SLC44A2: variants seen among roughly 807,000 people sequenced by gnomAD.
SLC44A2 encodes the protein solute carrier family 44 member 2 (CTL2 blood group).
SLC44A2 carries 57 observed loss-of-function variants against 90.8 expected under a neutral mutation model. The ratio of observed to expected loss-of-function variants is 0.63; its 90% CI spans 0.51 to 0.78. The LOEUF (loss-of-function observed/expected upper bound fraction) is 0.78. Ranked by LOEUF, SLC44A2 falls within the 30% of genes least tolerant of loss-of-function variation. The pLI, the probability that SLC44A2 is intolerant of heterozygous loss-of-function variation, is 0.00. For synonymous variants in SLC44A2, 355 were observed against 360.7 expected, an observed-to-expected ratio of 0.98 and a Z score of 0.18; for missense variants, 794 against 919.7, an observed-to-expected ratio of 0.86 and a Z score of 1.77.
chr19:10,631,542 C>G lies in SLC44A2; in HGVS notation c.502+7C>G. On this transcript the variant is annotated splice_region_variant and intron_variant, in intron 7 of 21. Coordinates refer to ENST00000335757, the MANE Select transcript of SLC44A2 (RefSeq NM_020428.4). ...CTCATCCCCAGCAAACCCTGTGAGT[C>G]AGGGGATCCCAGGAGGCTCAGGTGG... is the stretch of plus-strand genomic sequence containing the variant. The G allele has an allele frequency of 6.2e-7, 1 of 1,613,986 alleles. No homozygotes were observed. Among genetic ancestry groups the G allele is most frequent in the East Asian group, 2.2e-5 (1 of 44,882 alleles).
At position 10,636,706 on chromosome 19, in the gene SLC44A2, T is replaced by C; in HGVS notation, c.1541T>C (p.Ile514Thr). The change falls in exon 16 of 22, where the codon ATT (isoleucine) becomes ACT (threonine). Residue 514 changes from isoleucine to threonine, a missense_variant. Transcript: ENST00000335757. ...GCCTTTGGCGCGCTCATCCTGGCCA[T>C]TGTGCAGATCATCCGTGTGATACTC... ...SLAFGALILA[I>T]VQIIRVILEY... 6.2e-7 allele frequency: 1 copy of C among 1,613,868 alleles called. No individual in the cohort carries two copies. The highest frequency in any genetic ancestry group is 8.5e-7 in the Non-Finnish European group (1 of 1,179,960).
At position 10,635,092 on chromosome 19, in the gene SLC44A2, A is replaced by T. The variant is rs1318346038; in HGVS notation, c.1055+19A>T. 1.9e-6 allele frequency: 3 copies of T among 1,613,882 alleles called. No homozygotes were observed. The Admixed American group carries it at 5.0e-5, about 27-fold the overall frequency. On this transcript the variant is annotated intron_variant, in intron 12 of 21. Coordinates refer to ENST00000335757, the MANE Select transcript of SLC44A2 (RefSeq NM_020428.4). ...CCAGCAGGTGGGGGGCCAGGGTGCCAGGGGCCAGGATGGAGCTGTCCCTAG... is the reference window on the plus strand; with the variant it reads ...CCAGCAGGTGGGGGGCCAGGGTGCCTGGGGCCAGGATGGAGCTGTCCCTAG...
chr19:10,612,829 A>G (rs1470956682), intron 1 of SLC44A2, among the ~76,000 whole-genome samples: 2 of 152,118 alleles, frequency 1.3e-5, no homozygotes, highest in Admixed American at 6.6e-5. Flanking sequence ...CAACAGCTCA[A>G]TTTTCCCAAT....
intron 1 of SLC44A2, among the ~76,000 whole-genome samples, chr19:10,619,451 T>G (rs1055926424): frequency 1.3e-4 from 20 of 150,530 alleles, no homozygotes; most frequent in Non-Finnish European, 2.1e-4. Flanking sequence ...AAAAGTGTTT[T>G]TTTTTTTTTT....
rs190869043 is a variant in SLC44A2, at chr19:10,620,462, C to A, written c.32-5791C>A. Among the ~76,000 whole-genome samples the A allele has an allele frequency of 4.2e-3, 634 of 151,318 alleles. 5 individuals are homozygous for A. The highest frequency in any genetic ancestry group is 0.015 in the African/African-American group (620 of 40,734). Reference sequence around the variant, plus strand: ...AGAGCAAGACTCCATCTCCAAAAAACAAACAAACAAACAAAAAACGCAAAT... The same window carrying A: ...AGAGCAAGACTCCATCTCCAAAAAAAAAACAAACAAACAAAAAACGCAAAT... On this transcript the variant is annotated intron_variant, in intron 1 of 21. Coordinates refer to the SLC44A2 transcript ENST00000407327.
chr19:10,615,151 C>T (rs1360279813), intron 1 of SLC44A2, among the ~76,000 whole-genome samples: 1 of 151,356 alleles, frequency 6.6e-6, no homozygotes, highest in Non-Finnish European at 1.5e-5. Context: ...TTTTCAGAGG[C>T]TGGGCGTGGT....
In SLC44A2 at chr19:10,642,465, C is replaced by CA. The variant is rs1472398853; in HGVS notation, c.2014+15dup. ...TCCTCTGCTTCTGTGAGTGACCCCT[C>CA]ACCCCAAACCTTGCTGGGCCCCGAA... On this transcript the variant is annotated intron_variant, in intron 21 of 21. Coordinates refer to ENST00000335757, the MANE Select transcript of SLC44A2 (RefSeq NM_020428.4). The CA allele has an allele frequency of 6.2e-7, 1 of 1,612,542 alleles. No homozygotes were observed. The highest frequency in any genetic ancestry group is 8.5e-7 in the Non-Finnish European group (1 of 1,178,592).
rs778730687 is a variant in SLC44A2 at position 10,636,721 on chromosome 19, G to T, written c.1556G>T (p.Arg519Leu). The T allele has an allele frequency of 1.9e-6, 3 of 1,613,904 alleles. No homozygotes were observed. The highest frequency in any genetic ancestry group is 4.5e-5 in the East Asian group (2 of 44,890). The change falls in exon 16 of 22, where the codon CGT (arginine) becomes CTT (leucine). Residue 519 changes from arginine (R) to leucine (L), a missense_variant. Physicochemically the swap from Arg to Leu is moderately radical, Grantham distance 102 (BLOSUM62 -2). Coordinates refer to ENST00000335757, the MANE Select transcript of SLC44A2 (RefSeq NM_020428.4). ...ALILAIVQII[R>L]VILEYLDQRL... ...ATCCTGGCCATTGTGCAGATCATCCGTGTGATACTCGAGTACCTGGATCAG... is the reference window on the plus strand; with the variant it reads ...ATCCTGGCCATTGTGCAGATCATCCTTGTGATACTCGAGTACCTGGATCAG...
At chr19:10,624,148 C>T (rs1239142417), upstream of SLC44A2, among the ~76,000 whole-genome samples, 1 of 151,878 alleles carries the variant, frequency 6.6e-6, no homozygotes, top group Non-Finnish European at 1.5e-5. Context: ...CAGGTGCACA[C>T]CACAACATCC....
intron 1 of SLC44A2, among the ~76,000 whole-genome samples, chr19:10,612,720 G>A (rs1315896784): frequency 6.6e-6 from 1 of 152,224 alleles, no homozygotes; most frequent in African/African-American, 2.4e-5. Flanking sequence ...GGCTGTGGCA[G>A]TTCTCTTATC....
intron 16 of SLC44A2, 127 bp downstream of exon 16, chr19:10,636,883 G>A (rs1202839645): frequency 6.0e-6 from 6 of 996,324 alleles, no homozygotes; most frequent in Admixed American, 2.5e-5. Flanking sequence ...TTCTGTCTAT[G>A]ACGGGGTGGA....
Position 10,641,535 on chromosome 19 carries a change from A to G in SLC44A2, c.1930-832A>G, listed in dbSNP as rs371592514. ...TAGATTTAAGTCAGGACAATAGCAC[A>G]TGCAGAGGCCCAGGGGTTAAAGAAA... On this transcript the variant is annotated intron_variant, in intron 20 of 21. Coordinates refer to ENST00000335757, the MANE Select transcript of SLC44A2 (RefSeq NM_020428.4). 7.3e-5 allele frequency: 28 copies of G among 385,256 alleles called. No individual in the cohort carries two copies. The East Asian group carries it at 1.5e-3, about 20-fold the overall frequency. 23.9% of individuals were successfully genotyped at this position (385,256 alleles called of 1,614,324 possible). A position where few individuals can be genotyped will look rare whatever the true frequency, so the allele number is the denominator to read the frequency against.
At chr19:10,635,368 C>A (rs1046892809) in intron 13 of SLC44A2, 63 bp from the exon 14 acceptor site, 24 of 1,605,760 alleles carry the variant, frequency 1.5e-5, no homozygotes, top group Non-Finnish European at 1.9e-5. Context: ...AGAATGGATT[C>A]TTTCCCACAA....
At chr19:10,626,189 C>T (rs1399517411) in intron 1 of SLC44A2, 64 bp from the exon 2 acceptor site, 5 of 1,339,704 alleles carry the variant, frequency 3.7e-6, no homozygotes, top group Admixed American at 3.4e-5. Flanking sequence ...TGGGAGGGGG[C>T]TCTCCCAGCC....
At chr19:10,641,024 T>G in intron 20 of SLC44A2, 1 of 392,018 alleles carries the variant, frequency 2.6e-6, no homozygotes, top group African/African-American at 2.2e-5. Flanking sequence ...GAGGTGGAGG[T>G]TGCACTGAGC....
At chr19:10,618,785 G>A (rs375778643) in intron 1 of SLC44A2, among the ~76,000 whole-genome samples, 1 of 151,754 alleles carries the variant, frequency 6.6e-6, no homozygotes, top group South Asian at 2.1e-4. Context: ...TGTTGCCCAG[G>A]CTGGTCTCAA....
chr19:10,632,991 A>G (rs1401999514), intron 10 of SLC44A2, among the ~76,000 whole-genome samples: 1 of 151,918 alleles, frequency 6.6e-6, no homozygotes, highest in African/African-American at 2.4e-5. Flanking sequence ...TTATTTCTCT[A>G]TAAAATGAGG....
chr19:10,604,243 G>C (rs1210225815), intron 1 of SLC44A2, among the ~76,000 whole-genome samples: 1 of 152,190 alleles, frequency 6.6e-6, no homozygotes, highest in Non-Finnish European at 1.5e-5. Flanking sequence ...AGAAACAGCA[G>C]CGATTATTTT....
chr19:10,627,102 C>G (rs1286561910), intron 2 of SLC44A2, among the ~76,000 whole-genome samples: 1 of 152,132 alleles, frequency 6.6e-6, no homozygotes, highest in Admixed American at 6.6e-5. Flanking sequence ...AGGTGGATCA[C>G]TTGAGGTTAG....
Sources: gnomAD v4.1 joint callset for allele counts (sites outside exome capture counted in the v4.1 genomes callset) on GRCh38, gnomAD v4.1.1 for gene constraint, MANE v1.5 for transcripts, NCBI Gene and HGNC (gene_info 2026-07-23, HGNC 2026-07-21) for gene names.